Variants in LGR6 observed in about 807,000 individuals in gnomAD.
LGR6 encodes leucine-rich repeat-containing G protein-coupled receptor 6.
In LGR6, 45 loss-of-function variants were observed where a neutral mutation model predicts 69.4. That is an observed-to-expected ratio of 0.65 (90% CI 0.51 to 0.83). The LOEUF (loss-of-function observed/expected upper bound fraction) is 0.83. LGR6 is among the 40% of genes least tolerant of loss of function. The probability of loss-of-function intolerance (pLI) is 0.00; values close to 1 mark genes in which losing one functional copy is unlikely to be tolerated. For synonymous variants in LGR6, 538 were observed against 555.0 expected, an observed-to-expected ratio of 0.97 and a Z score of 0.43; for missense variants, 1,108 against 1,246.7, an observed-to-expected ratio of 0.89 and a Z score of 1.68.
chr1:202,262,823 C>A (rs1469792317), intron 4 of LGR6, among the ~76,000 whole-genome samples: 1 of 152,194 alleles, frequency 6.6e-6, no homozygotes, highest in Non-Finnish European at 1.5e-5. Context: ...CAGGTCTACT[C>A]ATTATCACCT....
intron 1 of LGR6, among the ~76,000 whole-genome samples, chr1:202,222,093 A>G (rs1254020198): frequency 2.0e-5 from 3 of 152,174 alleles, no homozygotes; most frequent in Non-Finnish European, 4.4e-5. Flanking sequence ...GGCTGGTGGC[A>G]TTGGCTTGGT....
intron 15 of LGR6, 22 bp from the exon 16 acceptor site, chr1:202,310,175 C>T (rs780751972): frequency 6.2e-7 from 1 of 1,611,040 alleles, no homozygotes; most frequent in African/African-American, 1.3e-5. Context: ...GGCAGCCAAT[C>T]AGCCTGCCTC....
intron 9 of LGR6, among the ~76,000 whole-genome samples, chr1:202,302,782 G>A (rs1316190286): frequency 1.3e-5 from 2 of 151,974 alleles, no homozygotes; most frequent in Non-Finnish European, 2.9e-5. Context: ...CCTGACCTCA[G>A]GTGATCCGCC....
intron 4 of LGR6, among the ~76,000 whole-genome samples, chr1:202,260,069 G>T (rs1468511958): frequency 6.6e-6 from 1 of 152,182 alleles, no homozygotes; most frequent in East Asian, 1.9e-4. Context: ...GGTTTTCTGA[G>T]ACGGAGTCTC....
intron 4 of LGR6, among the ~76,000 whole-genome samples, chr1:202,265,332 C>T (rs1271036771): frequency 8.5e-5 from 13 of 152,202 alleles, no homozygotes; most frequent in Non-Finnish European, 1.5e-4. Context: ...CTTTTGGGCT[C>T]TTCAGGGCTT....
In LGR6 at chr1:202,214,354, T is replaced by C. The variant is rs952671555; in HGVS notation, c.213-11069T>C. 7 of 1,013,698 alleles carry C rather than the reference T, an allele frequency of 6.9e-6. No homozygotes were observed. In the East Asian group the frequency reaches 2.4e-4, roughly 35 times the overall value. 62.8% of individuals were successfully genotyped at this position (1,013,698 alleles called of 1,614,324 possible). A position where few individuals can be genotyped will look rare whatever the true frequency, so the allele number is the denominator to read the frequency against. ...GGGGCGCTACCCGGGCCGGCCCTAA[T>C]CCCCTTCCATTGTTCTGGGAGCCGA... On this transcript the variant is annotated intron_variant, in intron 1 of 17. Coordinates refer to ENST00000367278, the MANE Select transcript of LGR6 (RefSeq NM_001017403.2).
At chr1:202,210,443 A>AT (rs1553239193) in intron 1 of LGR6, among the ~76,000 whole-genome samples, 7 of 148,834 alleles carry the variant, frequency 4.7e-5, no homozygotes, top group Non-Finnish European at 1.0e-4. Context: ...AAAAAAAAAA[A>AT]CAAAAACCCT....
intron 4 of LGR6, among the ~76,000 whole-genome samples, chr1:202,266,681 C>T (rs900870776): frequency 1.3e-5 from 2 of 152,152 alleles, no homozygotes; most frequent in African/African-American, 2.4e-5. Flanking sequence ...TGGTCAGTAC[C>T]TCTGCACACA....
At chr1:202,220,730 G>GA (rs568045989) in intron 1 of LGR6, among the ~76,000 whole-genome samples, 49 of 152,256 alleles carry the variant, frequency 3.2e-4, no homozygotes, top group African/African-American at 1.1e-3. Flanking sequence ...TGTGGGGACG[G>GA]GGTTCTGGGA....
chr1:202,251,256 A>G (rs1159397222), intron 4 of LGR6, among the ~76,000 whole-genome samples: 1 of 152,178 alleles, frequency 6.6e-6, no homozygotes, highest in Non-Finnish European at 1.5e-5. Context: ...CAGAGCCTGC[A>G]CGCTCGTATG....
At chr1:202,257,057 G>T (rs890724936) in intron 4 of LGR6, among the ~76,000 whole-genome samples, 1 of 152,108 alleles carries the variant, frequency 6.6e-6, no homozygotes, top group Non-Finnish European at 1.5e-5. Flanking sequence ...TCCTGACTGG[G>T]TTGTCTTTTC....
intron 6 of LGR6, among the ~76,000 whole-genome samples, chr1:202,297,193 T>A (rs910406066): frequency 2.0e-5 from 3 of 152,174 alleles, no homozygotes; most frequent in African/African-American, 7.2e-5. Context: ...CTCTGATGTC[T>A]CCAAAGGCTT....
intron 9 of LGR6, 35 bp downstream of exon 9, chr1:202,301,270 C>G (rs758648270): frequency 6.4e-7 from 1 of 1,560,340 alleles, no homozygotes; most frequent in African/African-American, 1.4e-5. Flanking sequence ...GCAGCCTGAA[C>G]TTCCCCCTTT....
intron 1 of LGR6, among the ~76,000 whole-genome samples, chr1:202,216,803 A>T (rs372961533): frequency 6.6e-6 from 1 of 152,098 alleles, no homozygotes; most frequent in South Asian, 2.1e-4. Flanking sequence ...CTTGGCAAGG[A>T]GGAAGGAGCC....
chr1:202,247,432 T>C (rs1662809372), intron 4 of LGR6, among the ~76,000 whole-genome samples: 1 of 152,190 alleles, frequency 6.6e-6, no homozygotes, highest in Non-Finnish European at 1.5e-5. Context: ...CAGCAATCAT[T>C]ATCAGCTGTC....
intron 1 of LGR6, among the ~76,000 whole-genome samples, chr1:202,215,083 G>C (rs987899460): frequency 7.8e-6 from 1 of 127,664 alleles, no homozygotes; most frequent in African/African-American, 2.9e-5. Context: ...TGATGTAAAA[G>C]AAAAGCTCCC....
At chr1:202,248,412 A>C (rs879842062) in intron 4 of LGR6, among the ~76,000 whole-genome samples, 3 of 152,122 alleles carry the variant, frequency 2.0e-5, no homozygotes, top group Non-Finnish European at 2.9e-5. Flanking sequence ...CTGCAACCAG[A>C]TGGCTCTAAG....
rs1048862763 is a variant in LGR6 at position 202,280,700 on chromosome 1, C to T, written c.645-81C>T. 6.4e-6 allele frequency: 8 copies of T among 1,241,336 alleles called. No individual in the cohort carries two copies. In the African/African-American group the frequency reaches 1.2e-4, roughly 18 times the overall value. 76.9% of individuals were successfully genotyped at this position (1,241,336 alleles called of 1,614,324 possible). On this transcript the variant is annotated intron_variant, in intron 5 of 17. Coordinates refer to ENST00000367278, the MANE Select transcript of LGR6 (RefSeq NM_001017403.2). ...TGTCCATGCTTCTGCCTACACTTTC[C>T]CCATGCCACCATGTGCTCTTCCATC...
At chr1:202,261,812 AT>A (rs1375411991) in intron 4 of LGR6, among the ~76,000 whole-genome samples, 1 of 152,046 alleles carries the variant, frequency 6.6e-6, no homozygotes, top group African/African-American at 2.4e-5. Context: ...TGTGGTTTTG[AT>A]TTGCATTTCT....
Sources: gnomAD v4.1 joint callset for allele counts (sites outside exome capture counted in the v4.1 genomes callset) on GRCh38, gnomAD v4.1.1 for gene constraint, MANE v1.5 for transcripts, NCBI Gene and HGNC (gene_info 2026-07-23, HGNC 2026-07-21) for gene names.